Variants in KCNE1 observed in about 807,000 individuals in gnomAD.
The protein encoded by KCNE1 is potassium voltage-gated channel subfamily E member 1.
Under a neutral mutation model 2.9 loss-of-function variants are expected in KCNE1, and 1 was observed. The ratio of observed to expected loss-of-function variants is 0.34; its 90% CI spans 0.12 to 1.62. The LOEUF (loss-of-function observed/expected upper bound fraction) is 1.62, where lower values mean the gene tolerates loss of function less well. Among genes scored for constraint, KCNE1 ranks in the 40% most tolerant of loss-of-function variants. The probability of loss-of-function intolerance (pLI) is 0.36; values close to 1 mark genes in which losing one functional copy is unlikely to be tolerated. For missense variants in KCNE1, 45 were observed against 150.5 expected, an observed-to-expected ratio of 0.30 and a Z score of 3.67; for synonymous variants, 23 against 65.4, an observed-to-expected ratio of 0.35 and a Z score of 3.13.
chr21:34,505,674 G>A (rs1276953147), intron 2 of KCNE1, among the ~76,000 whole-genome samples: 2 of 152,200 alleles, frequency 1.3e-5, no homozygotes, highest in East Asian at 1.9e-4. Context: ...CATCCTCACC[G>A]CAATCCCTAC....
At position 34,509,443 on chromosome 21, in the gene KCNE1, CT is replaced by C. The variant is rs368907629; in HGVS notation, c.-162+1657del. ...CAGGCCCATCAGGATAATCTTCCTT[CT>C]TTTTTTTTTTTAACTTTTTTTTTGT... On this transcript the variant is annotated intron_variant, in intron 2 of 3. Coordinates refer to ENST00000399286, the MANE Select transcript of KCNE1 (RefSeq NM_000219.6). The C allele has an allele frequency of 7.2e-3, 1,054 of 145,932 alleles. 6 individuals are homozygous for C. The highest frequency in any genetic ancestry group is 0.028 in the Middle Eastern group (8 of 284). The allele number at this position is 145,932 out of a possible 1,614,324, so 9.0% of individuals were successfully genotyped here. A position where few individuals can be genotyped will look rare whatever the true frequency, so the allele number is the denominator to read the frequency against.
chr21:34,503,853 T>C (rs1280541388), intron 2 of KCNE1, among the ~76,000 whole-genome samples: 1 of 152,204 alleles, frequency 6.6e-6, no homozygotes, highest in Non-Finnish European at 1.5e-5. Flanking sequence ...GTCCAGAATT[T>C]CAACATATGC....
chr21:34,508,680 A>C (rs537251252), intron 2 of KCNE1, among the ~76,000 whole-genome samples: 5 of 152,238 alleles, frequency 3.3e-5, no homozygotes, highest in Non-Finnish European at 5.9e-5. Flanking sequence ...TTTTAATAGA[A>C]AGCATGCAAA....
chr21:34,504,822 A>C (rs991645640), intron 2 of KCNE1, among the ~76,000 whole-genome samples: 8 of 152,224 alleles, frequency 5.3e-5, no homozygotes, highest in African/African-American at 1.9e-4. Flanking sequence ...TATGTGATTC[A>C]TTCATATGAA....
chr21:34,500,616 T>G (rs969946514), intron 2 of KCNE1, among the ~76,000 whole-genome samples: 1 of 152,258 alleles, frequency 6.6e-6, no homozygotes, highest in Non-Finnish European at 1.5e-5. Flanking sequence ...TACCCACTTG[T>G]ATGGTTAATC....
intron 2 of KCNE1, among the ~76,000 whole-genome samples, chr21:34,507,132 G>A (rs574276157): frequency 4.6e-5 from 7 of 152,254 alleles, no homozygotes; most frequent in South Asian, 2.1e-4. Context: ...TCAAAAGCTC[G>A]CTCTGACAGT....
intron 2 of KCNE1, among the ~76,000 whole-genome samples, chr21:34,496,282 C>T (rs976367637): frequency 6.6e-6 from 1 of 152,092 alleles, no homozygotes; most frequent in Non-Finnish European, 1.5e-5. Flanking sequence ...ACCGTGTTAG[C>T]CAGGATGGTC....
chr21:34,509,257 C>T (rs117588290), intron 2 of KCNE1, among the ~76,000 whole-genome samples: 5 of 152,302 alleles, frequency 3.3e-5, no homozygotes, highest in Non-Finnish European at 5.9e-5. Context: ...CGGAGGTGTC[C>T]TCTTCCTTGC....
intron 1 of KCNE1, 58 bp downstream of exon 1, chr21:34,511,969 G>A (rs1283861183): frequency 6.6e-6 from 1 of 152,460 alleles, no homozygotes; most frequent in Non-Finnish European, 1.5e-5. Context: ...GACCAGGGTG[G>A]ACAGCCATCA....
chr21:34,511,868 G>T (rs1983850714), intron 1 of KCNE1, among the ~76,000 whole-genome samples, 159 bp downstream of exon 1: 1 of 152,240 alleles, frequency 6.6e-6, no homozygotes, highest in Non-Finnish European at 1.5e-5. Flanking sequence ...TGGAAGAAGT[G>T]AGGGGGGTTC....
intron 2 of KCNE1, among the ~76,000 whole-genome samples, chr21:34,499,190 C>T (rs1017070487): frequency 6.6e-6 from 1 of 152,146 alleles, no homozygotes; most frequent in African/African-American, 2.4e-5. Context: ...AAGCAATAGG[C>T]CTCACCCAGC....
intron 2 of KCNE1, among the ~76,000 whole-genome samples, chr21:34,501,216 A>G (rs558175287): frequency 6.6e-6 from 1 of 152,214 alleles, no homozygotes; most frequent in South Asian, 2.1e-4. Context: ...GACTCTACTT[A>G]TGTACATTTT....
intron 2 of KCNE1, among the ~76,000 whole-genome samples, chr21:34,495,871 A>T (rs1982775185): frequency 1.3e-5 from 2 of 151,982 alleles, no homozygotes. Flanking sequence ...TGTTGTTTAC[A>T]TTTCATTTAG....
At chr21:34,503,539 A>G (rs1330254039) in intron 2 of KCNE1, among the ~76,000 whole-genome samples, 2 of 152,222 alleles carry the variant, frequency 1.3e-5, no homozygotes, top group Non-Finnish European at 2.9e-5. Flanking sequence ...GGAGTTTGGA[A>G]GTGGGGCTGT....
rs1238355816 is a variant in KCNE1 at position 34,511,282 on chromosome 21, G to T, written c.-343C>A. The stretch of plus-strand genomic sequence containing the variant: ...AGGCCATGCCATTCAACGCCCTCCA[G>T]GACAGGCCGAAGGGCTTGTCTGTTT... On this transcript the variant is annotated 5_prime_UTR_variant, in exon 2 of 4. It adds an upstream start codon to the 5' untranslated region. Coordinates refer to ENST00000399286, the MANE Select transcript of KCNE1 (RefSeq NM_000219.6). 3.0e-6 allele frequency: 3 copies of T among 985,418 alleles called. No individual in the cohort carries two copies. The highest frequency in any genetic ancestry group is 1.7e-5 in the African/African-American group (1 of 57,240). 61.0% of individuals were successfully genotyped at this position (985,418 alleles called of 1,614,324 possible). A position where few individuals can be genotyped will look rare whatever the true frequency, so the allele number is the denominator to read the frequency against.
intron 2 of KCNE1, among the ~76,000 whole-genome samples, chr21:34,500,065 C>G (rs8127146): frequency 2.0e-5 from 3 of 151,898 alleles, no homozygotes; most frequent in Non-Finnish European, 4.4e-5. Flanking sequence ...CCAAAGACAC[C>G]GATATTTATA....
Position 34,449,416 on chromosome 21 carries a change from G to A in KCNE1, c.219C>T (p.His73=). The part of the protein sequence containing the change: ...LSYIRSKKLE[H]SNDPFNVYIE... ...TGTAGACGTTGAATGGGTCGTTCGA[G>A]TGCTCCAGCTTCTTGGAGCGGATGT... The change falls in exon 4 of 4, where the codon CAC becomes CAT. Residue 73 remains histidine, a synonymous_variant. Coordinates refer to ENST00000399286, the MANE Select transcript of KCNE1 (RefSeq NM_000219.6). The A allele has an allele frequency of 1.9e-6, 3 of 1,595,312 alleles. No homozygotes were observed. The highest frequency in any genetic ancestry group is 1.7e-4 in the Middle Eastern group (1 of 6,048).
intron 2 of KCNE1, among the ~76,000 whole-genome samples, chr21:34,501,728 C>T (rs2123514242): frequency 6.6e-6 from 1 of 152,268 alleles, no homozygotes; most frequent in East Asian, 1.9e-4. Context: ...TACATGGGCC[C>T]CAGGCCAGCG....
intron 2 of KCNE1, among the ~76,000 whole-genome samples, chr21:34,500,321 G>C (rs956809552): frequency 5.9e-5 from 9 of 152,168 alleles, no homozygotes; most frequent in African/African-American, 2.2e-4. Flanking sequence ...TAAGGGCAAA[G>C]CTTATTTGTA....
Sources: allele counts gnomAD v4.1 joint callset (sites outside exome capture counted in the v4.1 genomes callset), GRCh38; gene constraint gnomAD v4.1.1; transcripts MANE v1.5; gene names NCBI Gene and HGNC (gene_info 2026-07-23, HGNC 2026-07-21).